IL1RAPL2: variants seen among roughly 807,000 people sequenced by gnomAD.
The protein encoded by IL1RAPL2 is X-linked interleukin-1 receptor accessory protein-like 2.
A neutral mutation model predicts 44.1 loss-of-function variants in IL1RAPL2; 3 were observed. That is an observed-to-expected ratio of 0.07 (90% CI 0.03 to 0.18). IL1RAPL2 has a LOEUF of 0.18. IL1RAPL2 is among the 10% of genes least tolerant of loss of function. The pLI, the probability that IL1RAPL2 is intolerant of heterozygous loss-of-function variation, is 1.00. For synonymous variants in IL1RAPL2, 181 were observed against 178.8 expected (o/e 1.01, Z -0.10); for missense variants, 391 against 496.4 (o/e 0.79, Z 2.02).
At chrX:104,787,532 G>A (rs2147605922) in intron 2 of IL1RAPL2, among the ~76,000 whole-genome samples, 1 of 111,425 alleles carries the variant, frequency 9.0e-6, no homozygotes, top group South Asian at 3.9e-4. Context: ...GGGAGGTAAG[G>A]GAGTGAGGGA....
chrX:105,347,262 T>C (rs1391805694), intron 5 of IL1RAPL2, among the ~76,000 whole-genome samples: 2 of 111,641 alleles, frequency 1.8e-5, no homozygotes, highest in African/African-American at 6.5e-5. Flanking sequence ...CTATAGAGTA[T>C]AATGGTCTCT....
At chrX:105,322,202 A>G (rs1275483988) in intron 5 of IL1RAPL2, among the ~76,000 whole-genome samples, 2 of 112,847 alleles carry the variant, frequency 1.8e-5, no homozygotes, top group Non-Finnish European at 3.7e-5. Flanking sequence ...TAAGACTTCT[A>G]AAAGCCACAT....
At chrX:104,781,064 G>GTTT (rs766227291) in intron 2 of IL1RAPL2, among the ~76,000 whole-genome samples, 35 of 85,010 alleles carry the variant, frequency 4.1e-4, no homozygotes, top group African/African-American at 1.3e-3. Flanking sequence ...ACTTTACTTA[G>GTTT]TTTTATTTTT....
chrX:104,609,962 G>A (rs774398682), intron 1 of IL1RAPL2, among the ~76,000 whole-genome samples: 14 of 111,925 alleles, frequency 1.3e-4, no homozygotes, highest in Admixed American at 3.8e-4. Context: ...GCCATTTTGT[G>A]CTGGTTTCTC....
chrX:105,044,731 A>T (rs1373467113), intron 2 of IL1RAPL2, among the ~76,000 whole-genome samples: 1 of 111,706 alleles, frequency 9.0e-6, no homozygotes, highest in Admixed American at 9.6e-5. Flanking sequence ...CTGTACTCCC[A>T]GATAATTGAA....
intron 6 of IL1RAPL2, among the ~76,000 whole-genome samples, chrX:105,653,551 CT>C (rs1226379902): frequency 3.7e-5 from 4 of 108,671 alleles, no homozygotes; most frequent in Admixed American, 9.9e-5. Context: ...TCCTCCCTTC[CT>C]TTTTTTCTTC....
intron 6 of IL1RAPL2, among the ~76,000 whole-genome samples, chrX:105,651,954 TCTATAAA>T (rs946637718): frequency 1.8e-5 from 2 of 111,938 alleles, no homozygotes; most frequent in African/African-American, 6.5e-5. Flanking sequence ...TCTCATATAA[TCTATAAA>T]CTTTTCACTT....
chrX:104,715,769 C>T (rs1449967062), intron 2 of IL1RAPL2, among the ~76,000 whole-genome samples: 1 of 110,098 alleles, frequency 9.1e-6, no homozygotes, highest in Non-Finnish European at 1.9e-5. Context: ...TAACCCACTA[C>T]TCAAAGAAAT....
chrX:105,097,890 AT>A (rs1228316336), intron 2 of IL1RAPL2, among the ~76,000 whole-genome samples: 1 of 111,331 alleles, frequency 9.0e-6, no homozygotes, highest in Non-Finnish European at 1.9e-5. Flanking sequence ...AGGTTTTAAA[AT>A]TATTAAGGCT....
At chrX:105,080,627 A>G (rs1354402053) in intron 2 of IL1RAPL2, among the ~76,000 whole-genome samples, 1 of 111,749 alleles carries the variant, frequency 8.9e-6, no homozygotes, top group Non-Finnish European at 1.9e-5. Flanking sequence ...GTAGCCTTGT[A>G]GTATAGTTTG....
intron 5 of IL1RAPL2, among the ~76,000 whole-genome samples, chrX:105,478,035 T>C (rs913894815): frequency 9.0e-6 from 1 of 111,271 alleles, no homozygotes; most frequent in Admixed American, 9.7e-5. Context: ...ATTAATATTA[T>C]ATGCTCCCAG....
At chrX:105,017,080 G>A (rs764107580) in intron 2 of IL1RAPL2, among the ~76,000 whole-genome samples, 2 of 111,522 alleles carry the variant, frequency 1.8e-5, no homozygotes, top group African/African-American at 3.3e-5. Context: ...AGATTTTCCA[G>A]TTTATTTGCG....
At chrX:105,034,697 C>T (rs776476244) in intron 2 of IL1RAPL2, among the ~76,000 whole-genome samples, 1 of 112,468 alleles carries the variant, frequency 8.9e-6, no homozygotes, top group East Asian at 2.8e-4. Context: ...CAGGGACCCA[C>T]TTGAGGAGGC....
chrX:104,790,290 T>C (rs1932818648), intron 2 of IL1RAPL2, among the ~76,000 whole-genome samples: 1 of 111,611 alleles, frequency 9.0e-6, no homozygotes, highest in African/African-American at 3.3e-5. Flanking sequence ...CTATTTGTGA[T>C]AGAGTATTCA....
chrX:105,142,669 A>G (rs1179176034), intron 2 of IL1RAPL2, among the ~76,000 whole-genome samples: 1 of 108,433 alleles, frequency 9.2e-6, no homozygotes. Context: ...GGGTACATGC[A>G]CGTAACATGC....
chrX:105,119,863 T>C (rs1477550208), intron 2 of IL1RAPL2, among the ~76,000 whole-genome samples: 2 of 111,182 alleles, frequency 1.8e-5, no homozygotes, highest in South Asian at 7.6e-4. Context: ...CTATAGTAAT[T>C]AAATTACTAT....
intron 2 of IL1RAPL2, among the ~76,000 whole-genome samples, chrX:104,941,801 T>A (rs777918817): frequency 2.7e-5 from 3 of 111,904 alleles, no homozygotes; most frequent in Non-Finnish European, 5.6e-5. Context: ...TGGTATTGCC[T>A]AGGTTTTCTT....
At chrX:104,883,345 C>G (rs1383013368) in intron 2 of IL1RAPL2, among the ~76,000 whole-genome samples, 1 of 111,220 alleles carries the variant, frequency 9.0e-6, no homozygotes, top group Non-Finnish European at 1.9e-5. Context: ...TCTCTAACAA[C>G]CCCCGACTCT....
chrX:105,380,429 T>C (rs2035420930), intron 5 of IL1RAPL2, among the ~76,000 whole-genome samples: 1 of 111,120 alleles, frequency 9.0e-6, no homozygotes, highest in Non-Finnish European at 1.9e-5. Flanking sequence ...GTAAATTGTT[T>C]TCATATAACA....
Sources: allele counts gnomAD v4.1 joint callset (sites outside exome capture counted in the v4.1 genomes callset), GRCh38; gene constraint gnomAD v4.1.1; transcripts MANE v1.5; gene names NCBI Gene and HGNC (gene_info 2026-07-23, HGNC 2026-07-21).